KPNA6: variants seen among roughly 807,000 people sequenced by gnomAD.
The protein encoded by KPNA6 is karyopherin subunit alpha 6, also known as importin subunit alpha-7.
In KPNA6, 9 loss-of-function variants were observed where a neutral mutation model predicts 72.0. That is an observed-to-expected ratio of 0.13 (90% CI 0.08 to 0.22). KPNA6 has a LOEUF of 0.22. KPNA6 is among the 10% of genes least tolerant of loss of function. KPNA6 has a pLI of 1.00. For synonymous variants in KPNA6, 219 were observed against 242.1 expected, an observed-to-expected ratio of 0.90 and a Z score of 0.89; for missense variants, 374 against 655.7, an observed-to-expected ratio of 0.57 and a Z score of 4.69.
At chr1:32,119,012 ATATATATATATATATATATAT>A (rs1428954664) in intron 1 of KPNA6, among the ~76,000 whole-genome samples, 2 of 65,276 alleles carry the variant, frequency 3.1e-5, no homozygotes, top group Non-Finnish European at 5.3e-5. Flanking sequence ...ATATATATAT[ATATATATATATATATATATAT>A]TTTTTTTTTT....
chr1:32,125,461 G>A (rs1443210967), intron 1 of KPNA6, among the ~76,000 whole-genome samples: 1 of 151,974 alleles, frequency 6.6e-6, no homozygotes, highest in Non-Finnish European at 1.5e-5. Context: ...TTGCCATATC[G>A]AGATCCAGCG....
intron 1 of KPNA6, among the ~76,000 whole-genome samples, chr1:32,132,764 G>T (rs369347824): frequency 4.6e-5 from 7 of 152,108 alleles, no homozygotes; most frequent in African/African-American, 1.7e-4. Flanking sequence ...TTAGCCGGGC[G>T]TGGTGGCAGG....
intron 1 of KPNA6, among the ~76,000 whole-genome samples, chr1:32,141,849 T>G (rs187057326): frequency 2.0e-3 from 308 of 152,272 alleles, no homozygotes; most frequent in African/African-American, 7.2e-3. Flanking sequence ...GTGCCTTATT[T>G]AGATTAGGTA....
Position 32,111,061 on chromosome 1 carries a change from G to T in KPNA6, c.4+2927G>T, listed in dbSNP as rs143787039. 9.7e-3 allele frequency among the ~76,000 whole-genome samples: 1,478 copies of T among 152,204 alleles called. 20 individuals are homozygous for T. The highest frequency in any genetic ancestry group is 0.033 in the African/African-American group (1,360 of 41,506). ...ACTGATAGGCCTTTCTTAGTAGCTGGAGCTTCATCTTTCAGTGAAAAAAAT... is the reference window on the plus strand; with the variant it reads ...ACTGATAGGCCTTTCTTAGTAGCTGTAGCTTCATCTTTCAGTGAAAAAAAT... On this transcript the variant is annotated intron_variant, in intron 1 of 13. Coordinates refer to ENST00000373625, the MANE Select transcript of KPNA6 (RefSeq NM_012316.5).
chr1:32,162,964 C>T (rs548515354), intron 9 of KPNA6, among the ~76,000 whole-genome samples: 9 of 150,728 alleles, frequency 6.0e-5, no homozygotes, highest in Non-Finnish European at 1.0e-4. Flanking sequence ...ATTAGCCGGG[C>T]GTGGTGGCGG....
intron 2 of KPNA6, among the ~76,000 whole-genome samples, chr1:32,155,356 C>G (rs933057820): frequency 7.7e-6 from 1 of 130,224 alleles, no homozygotes; most frequent in Non-Finnish European, 1.6e-5. Flanking sequence ...GAGTCTGATT[C>G]TGTCACCCAG....
At chr1:32,165,569 T>A (rs1396553967) in intron 10 of KPNA6, among the ~76,000 whole-genome samples, 1 of 151,910 alleles carries the variant, frequency 6.6e-6, no homozygotes, top group Non-Finnish European at 1.5e-5. Context: ...GGTGGCACCC[T>A]GCTACTCAGG....
At chr1:32,163,824 T>C (rs1304056055) in intron 10 of KPNA6, among the ~76,000 whole-genome samples, 1 of 152,238 alleles carries the variant, frequency 6.6e-6, no homozygotes, top group Non-Finnish European at 1.5e-5. Flanking sequence ...TGTGGGATTC[T>C]GGACAGGTTT....
At chr1:32,150,127 C>CTTTTTTTTTTTTTT (rs35179721) in intron 1 of KPNA6, among the ~76,000 whole-genome samples, 3 of 87,058 alleles carry the variant, frequency 3.4e-5, no homozygotes, top group Non-Finnish European at 6.7e-5. Context: ...AATTTTTAGT[C>CTTTTTTTTTTTTTT]TTTTTTTTTT....
At chr1:32,141,491 A>G (rs1180231735) in intron 1 of KPNA6, among the ~76,000 whole-genome samples, 2 of 136,876 alleles carry the variant, frequency 1.5e-5, no homozygotes, top group African/African-American at 5.5e-5. Context: ...TCCGCCTCCC[A>G]TGTTCAAGCA....
At chr1:32,164,319 C>T (rs1456989994) in intron 10 of KPNA6, among the ~76,000 whole-genome samples, 1 of 152,190 alleles carries the variant, frequency 6.6e-6, no homozygotes, top group Non-Finnish European at 1.5e-5. Flanking sequence ...GTTGTTTCCA[C>T]CTTTTGGCTA....
At chr1:32,109,504 C>T (rs188928110) in intron 1 of KPNA6, among the ~76,000 whole-genome samples, 3 of 151,696 alleles carry the variant, frequency 2.0e-5, no homozygotes, top group East Asian at 3.9e-4. Flanking sequence ...TTTTAAATGA[C>T]CTGGCCCTCT....
chr1:32,162,565 G>A lies in KPNA6; in HGVS notation c.911+41G>A, dbSNP rs371541670. ...AGGGGTACAGGTTCTGGCTGGGCAC[G>A]GTGGCTTATGCTTATAATCCCAGCA... On this transcript the variant is annotated intron_variant, in intron 9 of 13. Coordinates refer to ENST00000373625, the MANE Select transcript of KPNA6 (RefSeq NM_012316.5). The A allele has an allele frequency of 2.2e-5, 35 of 1,607,212 alleles. No individual in the cohort carries two copies. In the Admixed American group the frequency reaches 2.3e-4, roughly 11 times the overall value.
At chr1:32,131,542 T>C (rs1361048350) in intron 1 of KPNA6, among the ~76,000 whole-genome samples, 1 of 151,040 alleles carries the variant, frequency 6.6e-6, no homozygotes, top group Non-Finnish European at 1.5e-5. Context: ...TGAAAACACA[T>C]ACAACCACAT....
At chr1:32,132,703 A>C (rs1383244196) in intron 1 of KPNA6, among the ~76,000 whole-genome samples, 1 of 152,054 alleles carries the variant, frequency 6.6e-6, no homozygotes, top group Non-Finnish European at 1.5e-5. Flanking sequence ...GGAGATCGAG[A>C]CCATCCTGGC....
At chr1:32,122,927 A>G (rs957061659) in intron 1 of KPNA6, among the ~76,000 whole-genome samples, 3 of 150,758 alleles carry the variant, frequency 2.0e-5, no homozygotes, top group African/African-American at 7.3e-5. Context: ...ATTGCACTCC[A>G]GCCTGGGCAA....
At position 32,170,990 on chromosome 1, in the gene KPNA6, C is replaced by T; in HGVS notation, c.*96C>T. 9.7e-7 allele frequency: 1 copy of T among 1,028,948 alleles called. No homozygotes were observed. Among genetic ancestry groups the T allele is most frequent in the Non-Finnish European group, 1.5e-6 (1 of 679,576 alleles). The allele number at this position is 1,028,948 out of a possible 1,614,324, so 63.7% of individuals were successfully genotyped here. A position where few individuals can be genotyped will look rare whatever the true frequency, so the allele number is the denominator to read the frequency against. On this transcript the variant is annotated 3_prime_UTR_variant, in exon 14 of 14. Transcript: ENST00000373625. ...GGGAAACCAGTGTCCCCACCATCAG[C>T]CACCACACACCTCTGCTGCCCTGGA...
chr1:32,149,204 T>G lies in KPNA6; in HGVS notation c.5-5384T>G, dbSNP rs1330688795. Among the ~76,000 whole-genome samples, 2 of 152,130 alleles carry G rather than the reference T, an allele frequency of 1.3e-5. 1 individual carries two copies. Among genetic ancestry groups the G allele is most frequent in the Non-Finnish European group, 2.9e-5 (2 of 68,030 alleles). ...ACTTTTGAGCTCTAGAACATTTGTTTGGTTCCTTTTTATAATTTCTTTCTT... is the reference window on the plus strand; with the variant it reads ...ACTTTTGAGCTCTAGAACATTTGTTGGGTTCCTTTTTATAATTTCTTTCTT... On this transcript the variant is annotated intron_variant, in intron 1 of 13. Transcript: ENST00000373625.
At position 32,166,368 on chromosome 1, in the gene KPNA6, T is replaced by C. The variant is rs574009503; in HGVS notation, c.1116+138T>C. ...TTGGCCAGGCACGGTGGCTCACGCC[T>C]GTAGTCCCAGCACTTTGGGAGGCCG... On this transcript the variant is annotated intron_variant, in intron 11 of 13. Transcript: ENST00000373625. 3.5e-5 allele frequency: 36 copies of C among 1,020,226 alleles called. No individual in the cohort carries two copies. In the South Asian group the frequency reaches 5.7e-4, roughly 16 times the overall value. The allele number at this position is 1,020,226 out of a possible 1,614,324, so 63.2% of individuals were successfully genotyped here.
Sources: allele counts gnomAD v4.1 joint callset (sites outside exome capture counted in the v4.1 genomes callset), GRCh38; gene constraint gnomAD v4.1.1; transcripts MANE v1.5; gene names NCBI Gene and HGNC (gene_info 2026-07-23, HGNC 2026-07-21).